The following RASAL2 variants were observed in gnomAD, a reference collection of about 807,000 sequenced individuals.
RASAL2 encodes the protein ras GTPase-activating protein nGAP.
A neutral mutation model predicts 128.9 loss-of-function variants in RASAL2; 58 were observed. That is an observed-to-expected ratio of 0.45 (90% confidence interval 0.36 to 0.56). The LOEUF (loss-of-function observed/expected upper bound fraction) is 0.56. RASAL2 is among the 20% of genes least tolerant of loss of function. The pLI is 0.00. For missense variants in RASAL2, 1,360 were observed against 1,601.6 expected (o/e 0.85, Z 2.57); for synonymous variants, 561 against 580.8 (o/e 0.97, Z 0.49).
At chr1:178,362,836 G>A (rs1236614992) in intron 3 of RASAL2, among the ~76,000 whole-genome samples, 6 of 151,716 alleles carry the variant, frequency 4.0e-5, no homozygotes, top group Admixed American at 3.3e-4. Flanking sequence ...GCAAATGGCA[G>A]GATCTCTCTC....
chr1:178,184,283 A>G (rs1028857824), intron 1 of RASAL2, among the ~76,000 whole-genome samples: 5 of 152,086 alleles, frequency 3.3e-5, no homozygotes, highest in Non-Finnish European at 7.4e-5. Context: ...TGTGTTTTGC[A>G]AAGAATTTAA....
intron 4 of RASAL2, among the ~76,000 whole-genome samples, chr1:178,405,330 T>C (rs1456028444): frequency 6.6e-6 from 1 of 152,204 alleles, no homozygotes; most frequent in African/African-American, 2.4e-5. Flanking sequence ...CTAAACTATA[T>C]GTAGAGAGTA....
At chr1:178,109,086 G>A (rs1202331772) in intron 1 of RASAL2, among the ~76,000 whole-genome samples, 1 of 152,124 alleles carries the variant, frequency 6.6e-6, no homozygotes, top group Non-Finnish European at 1.5e-5. Context: ...AGAACCACAA[G>A]TTGTATTCAT....
chr1:178,107,643 A>G (rs559938473), intron 1 of RASAL2, among the ~76,000 whole-genome samples: 12 of 152,040 alleles, frequency 7.9e-5, no homozygotes, highest in Non-Finnish European at 1.3e-4. Context: ...TCCTCTTAGC[A>G]GCTGGTAACC....
intron 1 of RASAL2, among the ~76,000 whole-genome samples, chr1:178,152,411 A>G (rs1028773609): frequency 6.6e-6 from 1 of 152,184 alleles, no homozygotes; most frequent in Non-Finnish European, 1.5e-5. Context: ...GAGTCATTCT[A>G]GCAAATTATT....
At chr1:178,378,906 A>C (rs1672132128) in intron 3 of RASAL2, among the ~76,000 whole-genome samples, 1 of 152,120 alleles carries the variant, frequency 6.6e-6, no homozygotes, top group Non-Finnish European at 1.5e-5. Flanking sequence ...AGAAAGAATG[A>C]AAATAAGAGT....
At chr1:178,180,539 C>T (rs1293045911) in intron 1 of RASAL2, among the ~76,000 whole-genome samples, 2 of 148,512 alleles carry the variant, frequency 1.3e-5, no homozygotes, top group Non-Finnish European at 3.0e-5. Flanking sequence ...TATGATGGCG[C>T]GCCTATAGTG....
At chr1:178,188,378 A>T (rs911854636) in intron 1 of RASAL2, among the ~76,000 whole-genome samples, 2 of 152,100 alleles carry the variant, frequency 1.3e-5, no homozygotes, top group African/African-American at 2.4e-5. Flanking sequence ...TGGGATTATT[A>T]TAGGATTTAT....
chr1:178,468,409 A>G lies in RASAL2; in HGVS notation c.3678+988A>G, dbSNP rs147790242. Among the ~76,000 whole-genome samples the G allele has an allele frequency of 6.1e-4, 93 of 152,362 alleles. No homozygotes were observed. In the East Asian group the frequency reaches 0.015, roughly 25 times the overall value. ...CTTCTCTAGGTATCAGCTAGTAATC[A>G]ACATATTTTAGAGCCCCCAGTATTC... On this transcript the variant is annotated intron_variant, in intron 17 of 17. Coordinates refer to ENST00000367649, the MANE Select transcript of RASAL2 (RefSeq NM_170692.4).
chr1:178,413,856 T>C (rs750300125), intron 4 of RASAL2, among the ~76,000 whole-genome samples: 1 of 152,080 alleles, frequency 6.6e-6, no homozygotes, highest in African/African-American at 2.4e-5. Context: ...TCAAAAACAC[T>C]GTAGCAGAAA....
At chr1:178,364,449 A>G (rs1671296489) in intron 3 of RASAL2, among the ~76,000 whole-genome samples, 1 of 152,216 alleles carries the variant, frequency 6.6e-6, no homozygotes, top group Non-Finnish European at 1.5e-5. Context: ...AATGGGAAAA[A>G]TGTTACTACA....
chr1:178,467,963 G>T (rs1572133884), intron 17 of RASAL2, among the ~76,000 whole-genome samples: 1 of 152,184 alleles, frequency 6.6e-6, no homozygotes, highest in East Asian at 1.9e-4. Context: ...CTTTGTTGGT[G>T]CTGTGCTTAG....
intron 1 of RASAL2, among the ~76,000 whole-genome samples, chr1:178,165,932 G>A (rs1661502049): frequency 6.6e-6 from 1 of 152,064 alleles, no homozygotes; most frequent in African/African-American, 2.4e-5. Flanking sequence ...TCATAGATGA[G>A]TAGATAGCGG....
intron 12 of RASAL2, among the ~76,000 whole-genome samples, chr1:178,455,058 A>C (rs576271646): frequency 6.6e-5 from 10 of 152,250 alleles, no homozygotes; most frequent in South Asian, 2.1e-4. Context: ...GTTTTAAGTA[A>C]CTACCCATGA....
intron 3 of RASAL2, among the ~76,000 whole-genome samples, chr1:178,385,638 A>G (rs1672521743): frequency 6.6e-6 from 1 of 152,092 alleles, no homozygotes; most frequent in African/African-American, 2.4e-5. Context: ...TCTTTAAAAT[A>G]TAGTAGTATT....
chr1:178,118,714 A>G lies in RASAL2; in HGVS notation c.202+24020A>G, dbSNP rs149244238. Among the ~76,000 whole-genome samples the G allele has an allele frequency of 8.7e-4, 133 of 152,278 alleles. 1 individual carries two copies. The highest frequency in any genetic ancestry group is 3.0e-3 in the African/African-American group (123 of 41,560). ...TGTTTGAAACATTTCAGAAATCCCA[A>G]TGTTCACTCATCGCCCTCATAGTTC... On this transcript the variant is annotated intron_variant, in intron 1 of 17. Coordinates refer to ENST00000367649, the MANE Select transcript of RASAL2 (RefSeq NM_170692.4).
At chr1:178,422,133 T>C (rs1675189747) in intron 5 of RASAL2, among the ~76,000 whole-genome samples, 1 of 152,022 alleles carries the variant, frequency 6.6e-6, no homozygotes, top group South Asian at 2.1e-4. Flanking sequence ...GATTTTTTTT[T>C]TAAAGTTTAC....
intron 3 of RASAL2, among the ~76,000 whole-genome samples, chr1:178,387,490 C>T (rs71628280): frequency 0.11 from 16,154 of 151,992 alleles, 911 homozygotes; most frequent in Middle Eastern, 0.14. Flanking sequence ...CATCATTTAG[C>T]ATTAGGTATA....
At chr1:178,123,865 G>T (rs1466121019) in intron 1 of RASAL2, 1 of 152,318 alleles carries the variant, frequency 6.6e-6, no homozygotes, top group African/African-American at 2.4e-5. Flanking sequence ...TAGAGATGGG[G>T]TTTTGTCATG....
Sources: gnomAD v4.1 joint callset for allele counts (sites outside exome capture counted in the v4.1 genomes callset) on GRCh38, gnomAD v4.1.1 for gene constraint, MANE v1.5 for transcripts, NCBI Gene and HGNC (gene_info 2026-07-23, HGNC 2026-07-21) for gene names.